Variants in GRB14 observed in about 807,000 individuals in gnomAD.
The protein encoded by GRB14 is growth factor receptor-bound protein 14.
In GRB14, 38 loss-of-function variants were observed where a neutral mutation model predicts 69.1. That is an observed-to-expected ratio of 0.55 (90% CI 0.42 to 0.72). GRB14 has a LOEUF of 0.72. GRB14 is among the 30% of genes least tolerant of loss of function. The probability of loss-of-function intolerance (pLI) is 0.00; values close to 1 mark genes in which losing one functional copy is unlikely to be tolerated. For synonymous variants in GRB14, 247 were observed against 241.3 expected, an observed-to-expected ratio of 1.02 and a Z score of -0.22; for missense variants, 666 against 666.1, an observed-to-expected ratio of 1.00 and a Z score of 0.00.
At chr2:164,585,087 T>G (rs1314748567) in intron 2 of GRB14, among the ~76,000 whole-genome samples, 1 of 12,614 alleles carries the variant, frequency 7.9e-5, no homozygotes. Context: ...ATGCCTGGCT[T>G]TTTTTTTTTT....
chr2:164,606,557 T>C (rs1438535348), intron 2 of GRB14, among the ~76,000 whole-genome samples: 1 of 152,162 alleles, frequency 6.6e-6, no homozygotes, highest in Non-Finnish European at 1.5e-5. Context: ...ACCTCTTCTA[T>C]ATCTTTCCCA....
intron 2 of GRB14, among the ~76,000 whole-genome samples, chr2:164,603,791 A>G (rs1363094993): frequency 6.6e-6 from 1 of 152,232 alleles, no homozygotes. Flanking sequence ...ATTCTGTATC[A>G]TAAGAAACAC....
intron 2 of GRB14, among the ~76,000 whole-genome samples, chr2:164,576,998 C>A (rs1689266809): frequency 6.6e-6 from 1 of 151,832 alleles, no homozygotes; most frequent in African/African-American, 2.4e-5. Flanking sequence ...AGACTACTTC[C>A]CCCAATTTTA....
At chr2:164,494,953 ATT>A (rs5835985) in intron 12 of GRB14, among the ~76,000 whole-genome samples, 7 of 150,112 alleles carry the variant, frequency 4.7e-5, no homozygotes, top group Admixed American at 2.7e-4. Flanking sequence ...TTTAGAATGA[ATT>A]TTTTTTTTTC....
rs1297426931 is a variant in GRB14, at chr2:164,608,400, G to GA, written c.324+11286dup. ...AAAAGCAAACAAAGTTAAATTTTGA[G>GA]AAAAAAAAATTTAAAACACTGAAAA... On this transcript the variant is annotated intron_variant, in intron 2 of 13. Coordinates refer to ENST00000263915, the MANE Select transcript of GRB14 (RefSeq NM_004490.3). Among the ~76,000 whole-genome samples, 8 of 150,874 alleles carry GA rather than the reference G, an allele frequency of 5.3e-5. No homozygotes were observed. The East Asian group carries it at 1.4e-3, about 26-fold the overall frequency.
chr2:164,535,744 A>C (rs1450894727), intron 3 of GRB14, among the ~76,000 whole-genome samples: 1 of 152,208 alleles, frequency 6.6e-6, no homozygotes. Flanking sequence ...CCTTAACCTA[A>C]GAATACTACT....
chr2:164,520,691 C>T (rs954872982), intron 6 of GRB14, among the ~76,000 whole-genome samples: 11 of 151,522 alleles, frequency 7.3e-5, no homozygotes, highest in East Asian at 5.8e-4. Flanking sequence ...TCAAAAAGTA[C>T]GCTGAAGACA....
At chr2:164,502,488 T>C (rs1238610502) in intron 8 of GRB14, among the ~76,000 whole-genome samples, 153 bp from the exon 9 acceptor site, 1 of 152,104 alleles carries the variant, frequency 6.6e-6, no homozygotes, top group East Asian at 1.9e-4. Context: ...GAACTTTTAG[T>C]GCCCTGCAAC....
Position 164,526,997 on chromosome 2 carries a change from G to A in GRB14, c.603+17C>T, listed in dbSNP as rs1336744966. On this transcript the variant is annotated intron_variant, in intron 4 of 13. Transcript: ENST00000263915. ...GTTCATTTATTTTCCGTAACTATTAGGAGGGATTTCACTTACCATTGGGTT... is the reference window on the plus strand; with the variant it reads ...GTTCATTTATTTTCCGTAACTATTAAGAGGGATTTCACTTACCATTGGGTT... 3.2e-6 allele frequency: 5 copies of A among 1,543,758 alleles called. No homozygotes were observed. The highest frequency in any genetic ancestry group is 1.7e-4 in the Middle Eastern group (1 of 5,718).
At chr2:164,531,528 G>GT (rs1325709945) in intron 3 of GRB14, among the ~76,000 whole-genome samples, 3 of 152,114 alleles carry the variant, frequency 2.0e-5, no homozygotes, top group Non-Finnish European at 2.9e-5. Flanking sequence ...GCATTTTGTT[G>GT]TTTTTTTGAG....
chr2:164,527,994 T>C (rs1687826509), intron 3 of GRB14, among the ~76,000 whole-genome samples: 2 of 152,042 alleles, frequency 1.3e-5, no homozygotes, highest in South Asian at 4.1e-4. Flanking sequence ...AGTGAAAATA[T>C]ACTACAACAA....
Position 164,515,803 on chromosome 2 carries a change from GA to G in GRB14, c.816+6176del, listed in dbSNP as rs55851742. ...AGAAAGGTGAAGTTCAACTTAGTGAGAAAAAAAAAAAAAGCCATGATACAAG... is the reference window on the plus strand; with the variant it reads ...AGAAAGGTGAAGTTCAACTTAGTGAGAAAAAAAAAAAAGCCATGATACAAG... On this transcript the variant is annotated intron_variant, in intron 6 of 13. Coordinates refer to ENST00000263915, the MANE Select transcript of GRB14 (RefSeq NM_004490.3). Among the ~76,000 whole-genome samples, 232 of 137,872 alleles carry G rather than the reference GA, an allele frequency of 1.7e-3. 3 individuals are homozygous for G. The highest frequency in any genetic ancestry group is 4.3e-3 in the East Asian group (19 of 4,410). The allele number at this position is 137,872 out of a possible 152,430, so 90.4% of individuals were successfully genotyped here. A position where few individuals can be genotyped will look rare whatever the true frequency, so the allele number is the denominator to read the frequency against.
intron 8 of GRB14, among the ~76,000 whole-genome samples, chr2:164,503,442 CAAAAAAAAAAAAAAAAAAAAAAAA>C (rs148268784): frequency 2.2e-5 from 2 of 92,258 alleles, no homozygotes; most frequent in African/African-American, 6.4e-5. Flanking sequence ...GGTAATTAGG[CAAAAAAAAAAAAAAAAAAAAAAAA>C]AAAAAAAAAA....
At chr2:164,582,675 T>A (rs1689443866) in intron 2 of GRB14, among the ~76,000 whole-genome samples, 2 of 152,138 alleles carry the variant, frequency 1.3e-5, no homozygotes, top group Admixed American at 1.3e-4. Flanking sequence ...CGCCTCGGCC[T>A]CCCAAAGTGC....
chr2:164,559,651 T>A (rs760180092), intron 2 of GRB14, among the ~76,000 whole-genome samples: 52 of 152,184 alleles, frequency 3.4e-4, no homozygotes, highest in Non-Finnish European at 6.0e-4. Flanking sequence ...TAGTATTCCA[T>A]CATATAAATA....
At chr2:164,505,115 A>G (rs951979338) in intron 8 of GRB14, among the ~76,000 whole-genome samples, 1 of 152,206 alleles carries the variant, frequency 6.6e-6, no homozygotes, top group African/African-American at 2.4e-5. Context: ...ACTAAAGAAC[A>G]ATAAATTTAT....
intron 2 of GRB14, among the ~76,000 whole-genome samples, chr2:164,588,786 G>A (rs1327141532): frequency 6.6e-6 from 1 of 152,114 alleles, no homozygotes; most frequent in Non-Finnish European, 1.5e-5. Context: ...ACAAAAGAGA[G>A]ACCATTATTT....
At chr2:164,573,176 T>G (rs1270742266) in intron 2 of GRB14, among the ~76,000 whole-genome samples, 2 of 152,180 alleles carry the variant, frequency 1.3e-5, no homozygotes, top group Admixed American at 6.5e-5. Context: ...CTCTACTTTT[T>G]CCACTCAACA....
At chr2:164,508,193 T>C (rs1687241120) in intron 8 of GRB14, among the ~76,000 whole-genome samples, 1 of 152,230 alleles carries the variant, frequency 6.6e-6, no homozygotes, top group South Asian at 2.1e-4. Context: ...GGCTATGTAA[T>C]ACCTTCACAA....
Sources: allele counts gnomAD v4.1 joint callset (sites outside exome capture counted in the v4.1 genomes callset), GRCh38; gene constraint gnomAD v4.1.1; transcripts MANE v1.5; gene names NCBI Gene and HGNC (gene_info 2026-07-23, HGNC 2026-07-21).